The following SEPTIN9 variants were observed in gnomAD, a reference collection of about 807,000 sequenced individuals.
SEPTIN9 encodes septin-9.
In SEPTIN9, 13 loss-of-function variants were observed where a neutral mutation model predicts 56.6. That is an observed-to-expected ratio of 0.23 (90% CI 0.15 to 0.37). The LOEUF (loss-of-function observed/expected upper bound fraction) is 0.37. Among genes scored for constraint, SEPTIN9 ranks in the 10% least tolerant of loss-of-function variants. The pLI is 1.00. For missense variants in SEPTIN9, 650 were observed against 823.1 expected (o/e 0.79, Z 2.57); for synonymous variants, 332 against 334.1 (o/e 0.99, Z 0.07).
rs1320294197 is a variant in SEPTIN9, at chr17:77,402,892, G to A, written c.721+189G>A. Among the ~76,000 whole-genome samples, 1 of 152,182 alleles carries A rather than the reference G, an allele frequency of 6.6e-6. No homozygotes were observed. Among genetic ancestry groups the A allele is most frequent in the African/African-American group, 2.4e-5 (1 of 41,420 alleles). On this transcript the variant is annotated intron_variant, in intron 3 of 11. Coordinates refer to ENST00000427177, the MANE Select transcript of SEPTIN9 (RefSeq NM_001113491.2). The surrounding 1 kb of genome is among the most constrained non-coding windows in gnomAD (Gnocchi z 6.6). Reference sequence around the variant, plus strand: ...GAGAGGTGGCTCTCTCTGTCTGATGGGAACATGCCAAGATGCCCCAAGCGG... The same window carrying A: ...GAGAGGTGGCTCTCTCTGTCTGATGAGAACATGCCAAGATGCCCCAAGCGG...
In SEPTIN9 at chr17:77,354,339, C is replaced by A. The variant is rs114322700; in HGVS notation, c.76+47142C>A. 5.9e-3 allele frequency among the ~76,000 whole-genome samples: 906 copies of A among 152,298 alleles called. 8 individuals are homozygous for A. Among genetic ancestry groups the A allele is most frequent in the African/African-American group, 0.021 (854 of 41,566 alleles). On this transcript the variant is annotated intron_variant, in intron 2 of 11. Transcript: ENST00000427177. ...ACACGCACATGAACGCTCACTCATGCGGCAGGCGCTAGTTTCCCTCTGATG... is the reference window on the plus strand; with the variant it reads ...ACACGCACATGAACGCTCACTCATGAGGCAGGCGCTAGTTTCCCTCTGATG...
In SEPTIN9 at chr17:77,330,529, C is replaced by G. The variant is rs2033307873; in HGVS notation, c.76+23332C>G. ...GCCTTTCCTGGATTCTTCCTCCGTT[C>G]TCCCCTGGGCAGTGTTTCTGTTCAC... On this transcript the variant is annotated intron_variant, in intron 2 of 11. Transcript: ENST00000427177. This position sits in a 1 kb window ranked among gnomAD's most constrained non-coding sequence, Gnocchi z 4.4. Among the ~76,000 whole-genome samples the G allele has an allele frequency of 6.6e-6, 1 of 152,210 alleles. No individual in the cohort carries two copies. The highest frequency in any genetic ancestry group is 6.5e-5 in the Admixed American group (1 of 15,288).
At chr17:77,320,515 G>A (rs1179578770) in intron 2 of SEPTIN9, among the ~76,000 whole-genome samples, 1 of 152,228 alleles carries the variant, frequency 6.6e-6, no homozygotes, top group African/African-American at 2.4e-5. Context: ...CTCCGTCTCA[G>A]AAGCTAAGCT....
chr17:77,405,286 G>A lies in SEPTIN9; in HGVS notation c.721+2583G>A, dbSNP rs926745310. On this transcript the variant is annotated intron_variant, in intron 3 of 11. Coordinates refer to ENST00000427177, the MANE Select transcript of SEPTIN9 (RefSeq NM_001113491.2). The surrounding 1 kb of genome is among the most constrained non-coding windows in gnomAD (Gnocchi z 5.8). ...TCTGCTTTCTGGAGCTCACCGAGCC[G>A]TGAGCAGGATGGCTGGGACACAAGG... 8 of 669,192 alleles carry A rather than the reference G, an allele frequency of 1.2e-5. No homozygotes were observed. Among genetic ancestry groups the A allele is most frequent in the African/African-American group, 5.5e-5 (3 of 55,040 alleles). 41.5% of individuals were successfully genotyped at this position (669,192 alleles called of 1,614,324 possible). A position where few individuals can be genotyped will look rare whatever the true frequency, so the allele number is the denominator to read the frequency against.
intron 2 of SEPTIN9, among the ~76,000 whole-genome samples, chr17:77,331,793 G>A (rs921086182): frequency 1.2e-4 from 18 of 152,186 alleles, no homozygotes; most frequent in African/African-American, 4.3e-4. Context: ...GCACAGGCAC[G>A]GGGGGCCCGA....
At chr17:77,374,405 C>G (rs990286300) in intron 2 of SEPTIN9, 2 of 152,498 alleles carry the variant, frequency 1.3e-5, no homozygotes, top group African/African-American at 4.8e-5. Context: ...GGTGCTGGGG[C>G]TCTGCGTCCT....
chr17:77,373,612 C>T (rs914136639), intron 2 of SEPTIN9: 15 of 1,526,432 alleles, frequency 9.8e-6, no homozygotes, highest in African/African-American at 1.4e-5. Flanking sequence ...TGCGGGTGGG[C>T]CTGGCGCGGG....
chr17:77,287,243 C>G (rs566899702), intron 1 of SEPTIN9, among the ~76,000 whole-genome samples: 2 of 152,328 alleles, frequency 1.3e-5, no homozygotes, highest in East Asian at 3.9e-4. Context: ...CGTGTGTCAC[C>G]CAGGCCTGTG....
At chr17:77,403,704 T>G (rs1291397289) in intron 3 of SEPTIN9, among the ~76,000 whole-genome samples, 3 of 152,210 alleles carry the variant, frequency 2.0e-5, no homozygotes, top group African/African-American at 7.2e-5. Flanking sequence ...TAAGCCTTCT[T>G]TAGGTTGGAC....
At chr17:77,393,219 C>A (rs961914655) in intron 2 of SEPTIN9, among the ~76,000 whole-genome samples, 3 of 152,196 alleles carry the variant, frequency 2.0e-5, no homozygotes, top group African/African-American at 7.2e-5. Context: ...CTGCCCAGCC[C>A]CCATACCGGG....
Position 77,492,815 on chromosome 17 carries a change from C to T in SEPTIN9, c.1476+99C>T. 1 of 1,302,690 alleles carries T rather than the reference C, an allele frequency of 7.7e-7. No individual in the cohort carries two copies. Among genetic ancestry groups the T allele is most frequent in the African/African-American group, 1.4e-5 (1 of 68,974 alleles). 80.7% of individuals were successfully genotyped at this position (1,302,690 alleles called of 1,614,324 possible). A position where few individuals can be genotyped will look rare whatever the true frequency, so the allele number is the denominator to read the frequency against. ...GGACCTTAAGCCATGAAATTATATT[C>T]TTGGGGCCAGAGGGCACTGAGCCCA... On this transcript the variant is annotated intron_variant, in intron 9 of 11. Transcript: ENST00000427177. The surrounding 1 kb of genome is among the most constrained non-coding windows in gnomAD (Gnocchi z 5.4).
intron 3 of SEPTIN9, among the ~76,000 whole-genome samples, chr17:77,427,611 G>A (rs1482874197): frequency 6.6e-6 from 1 of 152,226 alleles, no homozygotes; most frequent in African/African-American, 2.4e-5. Flanking sequence ...GGGAAGAACA[G>A]CTTCTTCTGT....
At chr17:77,290,284 G>A in intron 1 of SEPTIN9, among the ~76,000 whole-genome samples, 1 of 148,440 alleles carries the variant, frequency 6.7e-6, no homozygotes, top group East Asian at 2.0e-4. Flanking sequence ...TTGAGATGGA[G>A]TCTCGCTCTG....
intron 2 of SEPTIN9, among the ~76,000 whole-genome samples, chr17:77,334,416 T>C (rs1191526415): frequency 8.8e-6 from 1 of 113,536 alleles, no homozygotes; most frequent in Non-Finnish European, 1.9e-5. Flanking sequence ...AGCAAGACTC[T>C]GTCTCAAAAA....
chr17:77,417,107 T>C (rs767731422), intron 3 of SEPTIN9, among the ~76,000 whole-genome samples: 2 of 152,244 alleles, frequency 1.3e-5, no homozygotes, highest in Non-Finnish European at 2.9e-5. Flanking sequence ...CTGGCCTCCC[T>C]GTCCTCAGTT....
intron 2 of SEPTIN9, among the ~76,000 whole-genome samples, chr17:77,340,926 A>G (rs2143755706): frequency 6.6e-6 from 1 of 152,204 alleles, no homozygotes; most frequent in African/African-American, 2.4e-5. Flanking sequence ...CAGCTTCCTC[A>G]CTTCTCTTAG....
intron 2 of SEPTIN9, among the ~76,000 whole-genome samples, chr17:77,378,831 C>T (rs1165810060): frequency 2.0e-5 from 3 of 152,094 alleles, no homozygotes; most frequent in Non-Finnish European, 4.4e-5. Flanking sequence ...TCTTCCCTGC[C>T]ACCATCTACC....
At chr17:77,426,286 A>G (rs11870085) in intron 3 of SEPTIN9, among the ~76,000 whole-genome samples, 1 of 151,942 alleles carries the variant, frequency 6.6e-6, no homozygotes, top group Non-Finnish European at 1.5e-5. Flanking sequence ...AGTCCCCTGC[A>G]CAGCACACCT....
intron 3 of SEPTIN9, among the ~76,000 whole-genome samples, chr17:77,458,494 G>A (rs1270995503): frequency 1.3e-5 from 2 of 152,214 alleles, no homozygotes; most frequent in African/African-American, 2.4e-5. Flanking sequence ...TGCCTGTTAC[G>A]AACCACGTGG....
Sources: allele counts gnomAD v4.1 joint callset (sites outside exome capture counted in the v4.1 genomes callset), GRCh38; gene constraint gnomAD v4.1.1; non-coding constraint Gnocchi (gnomAD v3.1); transcripts MANE v1.5; gene names NCBI Gene and HGNC (gene_info 2026-07-23, HGNC 2026-07-21).